SPDL1: variants seen among roughly 807,000 people sequenced by gnomAD.
SPDL1 encodes the protein protein Spindly.
In SPDL1, 85 loss-of-function variants were observed where a neutral mutation model predicts 79.5. That is an observed-to-expected ratio of 1.07 (90% CI 0.90 to 1.28). The LOEUF is 1.28. Ranked by LOEUF, SPDL1 falls within the 50% of genes most tolerant of loss-of-function variation. SPDL1 has a pLI of 0.00. For synonymous variants in SPDL1, 269 were observed against 240.3 expected (o/e 1.12, Z -1.10); for missense variants, 703 against 697.8 (o/e 1.01, Z -0.08).
At chr5:169,598,881 A>G in intron 9 of SPDL1, 91 bp from the exon 10 acceptor site, 1 of 1,438,326 alleles carries the variant, frequency 7.0e-7, no homozygotes, top group Non-Finnish European at 9.2e-7. Flanking sequence ...ATTTTTAACT[A>G]AGAATTCAAA....
intron 7 of SPDL1, among the ~76,000 whole-genome samples, 197 bp from the exon 8 acceptor site, chr5:169,596,364 T>C (rs370910028): frequency 6.6e-6 from 1 of 152,180 alleles, no homozygotes; most frequent in African/African-American, 2.4e-5. Context: ...ACTTCAGTTA[T>C]CATTCATAAG....
chr5:169,589,707 C>CT (rs564425889), intron 2 of SPDL1, among the ~76,000 whole-genome samples: 106 of 141,806 alleles, frequency 7.5e-4, no homozygotes, highest in African/African-American at 8.2e-4. Flanking sequence ...TTTCTTTTTT[C>CT]TTTTTTTTTT....
chr5:169,590,996 A>G (rs1215041560), intron 2 of SPDL1, 52 bp from the exon 3 acceptor site: 2 of 1,454,168 alleles, frequency 1.4e-6, no homozygotes, highest in African/African-American at 1.4e-5. Flanking sequence ...ATTGTATGTA[A>G]TGGCTTTAGG....
chr5:169,588,996 C>T (rs935172559), intron 2 of SPDL1, among the ~76,000 whole-genome samples: 1 of 140,518 alleles, frequency 7.1e-6, no homozygotes, highest in Non-Finnish European at 1.7e-5. Flanking sequence ...ATTCCCTGTC[C>T]GTTAACCAAA....
Position 169,601,285 on chromosome 5 carries a change from G to A in SPDL1, c.1330G>A (p.Val444Ile). The A allele has an allele frequency of 6.2e-7, 1 of 1,602,390 alleles. No homozygotes were observed. The highest frequency in any genetic ancestry group is 8.5e-7 in the Non-Finnish European group (1 of 1,175,332). ...LKLKYEPEET[V>I]EVPVLKKRRE... ...CCACTCGTTTTTATTCTCAGAGACAGTTGAAGTGCCTGTACTGAAAAAGAG... is the reference window on the plus strand; with the variant it reads ...CCACTCGTTTTTATTCTCAGAGACAATTGAAGTGCCTGTACTGAAAAAGAG... The change falls in exon 11 of 12, where the codon GTT becomes ATT. Residue 444 changes from valine to isoleucine, a missense_variant. Val to Ile is a conservative substitution (Grantham distance 29, BLOSUM62 3). Transcript: ENST00000265295.
Position 169,593,852 on chromosome 5 carries a change from C to A in SPDL1, c.532-293C>A, listed in dbSNP as rs191314410. Among the ~76,000 whole-genome samples the A allele has an allele frequency of 2.6e-5, 4 of 152,202 alleles. No individual in the cohort carries two copies. The East Asian group carries it at 7.7e-4, about 29-fold the overall frequency. On this transcript the variant is annotated intron_variant, in intron 4 of 11. Coordinates refer to ENST00000265295, the MANE Select transcript of SPDL1 (RefSeq NM_017785.5). ...AAGAGCCCAGTGTAAAACGTTGGCT[C>A]AGTGGAAGTTGAAATGCATGTGAAC...
Position 169,599,054 on chromosome 5 carries a change from G to A in SPDL1, c.1219G>A (p.Glu407Lys). 1.2e-6 allele frequency: 2 copies of A among 1,602,792 alleles called. No individual in the cohort carries two copies. The highest frequency in any genetic ancestry group is 2.2e-5 in the South Asian group (2 of 90,120). The change falls in exon 10 of 12, where the codon GAG becomes AAG. Residue 407 changes from glutamate to lysine, a missense_variant. By Grantham distance (56) the Glu-to-Lys change is moderately conservative (BLOSUM62 1). Transcript: ENST00000265295. ...LFESQRALDI[E>K]RKLFANERCL... The stretch of plus-strand genomic sequence containing the variant: ...TGAGAGCCAGCGGGCTCTAGATATT[G>A]AGCGAAAACTTTTTGCAAATGAAAG...
intron 1 of SPDL1, chr5:169,586,437 T>G (rs1754988876): frequency 6.6e-6 from 1 of 152,262 alleles, no homozygotes; most frequent in South Asian, 2.1e-4. Context: ...CAGTCGTTGG[T>G]CCATTTCTCT....
intron 1 of SPDL1, among the ~76,000 whole-genome samples, chr5:169,587,562 T>G (rs1755050864): frequency 6.6e-6 from 1 of 152,200 alleles, no homozygotes; most frequent in Admixed American, 6.5e-5. Context: ...ACTAGAAAAA[T>G]ACTAGTGAAT....
chr5:169,592,104 C>CT, intron 3 of SPDL1, among the ~76,000 whole-genome samples: 1 of 151,602 alleles, frequency 6.6e-6, no homozygotes, highest in East Asian at 1.9e-4. Flanking sequence ...ATAGCAGCCT[C>CT]TAAGATTTTT....
chr5:169,590,011 A>G, intron 2 of SPDL1, among the ~76,000 whole-genome samples: 1 of 152,112 alleles, frequency 6.6e-6, no homozygotes, highest in East Asian at 1.9e-4. Context: ...ACTCTTAATT[A>G]TCTGCATTGC....
At position 169,598,965 on chromosome 5, in the gene SPDL1, A is replaced by G; in HGVS notation, c.1137-7A>G. On this transcript the variant is annotated splice_polypyrimidine_tract_variant and splice_region_variant and intron_variant, in intron 9 of 11. Coordinates refer to ENST00000265295, the MANE Select transcript of SPDL1 (RefSeq NM_017785.5). ...TACTCGTTGGTTCTCCTTTTTTATT[A>G]TCATAGCAAAGAAATTGAAAGCACT... 6.6e-7 allele frequency: 1 copy of G among 1,524,004 alleles called. No homozygotes were observed. The highest frequency in any genetic ancestry group is 2.2e-5 in the Admixed American group (1 of 45,486). 94.4% of individuals were successfully genotyped at this position (1,524,004 alleles called of 1,614,324 possible). A position where few individuals can be genotyped will look rare whatever the true frequency, so the allele number is the denominator to read the frequency against.
intron 2 of SPDL1, 159 bp from the exon 3 acceptor site, chr5:169,590,889 G>A (rs770705405): frequency 1.8e-5 from 13 of 719,218 alleles, no homozygotes; most frequent in Admixed American, 4.4e-5. Flanking sequence ...TATTAAGACT[G>A]ATTAACTACA....
intron 10 of SPDL1, among the ~76,000 whole-genome samples, chr5:169,600,379 A>G (rs1755818718): frequency 6.6e-6 from 1 of 152,180 alleles, no homozygotes; most frequent in Admixed American, 6.5e-5. Flanking sequence ...CATCTGTTGA[A>G]CTGAACACAG....
At chr5:169,586,631 G>A (rs1452511681) in intron 1 of SPDL1, among the ~76,000 whole-genome samples, 4 of 152,104 alleles carry the variant, frequency 2.6e-5, no homozygotes, top group African/African-American at 9.7e-5. Flanking sequence ...ATTTTACTAG[G>A]TGCTCAGGCC....
At chr5:169,593,253 A>G (rs968091477) in intron 3 of SPDL1, 101 bp from the exon 4 acceptor site, 23 of 1,020,468 alleles carry the variant, frequency 2.3e-5, no homozygotes, top group South Asian at 1.4e-4. Flanking sequence ...AAACTCCAAT[A>G]GTATCATCAT....
intron 8 of SPDL1, 77 bp downstream of exon 8, chr5:169,596,778 T>C: frequency 8.3e-7 from 1 of 1,203,554 alleles, no homozygotes; most frequent in Non-Finnish European, 1.2e-6. Flanking sequence ...TTTTTAAGTT[T>C]AAATTATTAA....
chr5:169,601,159 G>A, intron 10 of SPDL1, 121 bp from the exon 11 acceptor site: 1 of 753,452 alleles, frequency 1.3e-6, no homozygotes, highest in Non-Finnish European at 2.1e-6. Context: ...TTTCAGTGAG[G>A]AGATGGTTGC....
chr5:169,598,543 A>G lies in SPDL1; in HGVS notation c.1100A>G (p.Tyr367Cys). The change falls in exon 9 of 12, where the codon TAT becomes TGT. Residue 367 changes from tyrosine (Y) to cysteine (C), a missense_variant. Coordinates refer to ENST00000265295, the MANE Select transcript of SPDL1 (RefSeq NM_017785.5). ...DSGTLEDNTYYTDLLQMKLDN... is the reference protein window; with the variant it reads ...DSGTLEDNTYCTDLLQMKLDN... ...GGTACTCTGGAAGATAACACCTATT[A>G]TACAGATTTACTTCAGATGAAGCTG... 1.2e-6 allele frequency: 2 copies of G among 1,612,792 alleles called. No homozygotes were observed. Among genetic ancestry groups the G allele is most frequent in the Non-Finnish European group, 1.7e-6 (2 of 1,178,946 alleles).
Sources: allele counts gnomAD v4.1 joint callset (sites outside exome capture counted in the v4.1 genomes callset), GRCh38; gene constraint gnomAD v4.1.1; transcripts MANE v1.5; gene names NCBI Gene and HGNC (gene_info 2026-07-23, HGNC 2026-07-21).